The following GNG7 variants were observed in gnomAD, a reference collection of about 807,000 sequenced individuals.
The protein encoded by GNG7 is guanine nucleotide-binding protein G(I)/G(S)/G(O) subunit gamma-7.
GNG7 carries 1 observed loss-of-function variant against 4.0 expected under a neutral mutation model. The ratio of observed to expected loss-of-function variants is 0.25; its 90% CI spans 0.09 to 1.18. The LOEUF is 1.18. GNG7 is among the 50% of genes most tolerant of loss of function. The pLI, the probability that GNG7 is intolerant of heterozygous loss-of-function variation, is 0.50. For missense variants in GNG7, 86 were observed against 91.9 expected (o/e 0.94, Z 0.26); for synonymous variants, 34 against 36.9 (o/e 0.92, Z 0.29).
chr19:2,630,250 G>A lies in GNG7; in HGVS notation c.-78+15974C>T, dbSNP rs1037789602. ...CCCCCCCTTCCCTTTGCCACCAAGA[G>A]GAGTCTAAGATCTCCCTGGAGAACA... On this transcript the variant is annotated intron_variant, in intron 2 of 4. Coordinates refer to ENST00000382159, the MANE Select transcript of GNG7 (RefSeq NM_052847.3). Among the ~76,000 whole-genome samples the A allele has an allele frequency of 5.9e-5, 9 of 152,082 alleles. No individual in the cohort carries two copies. In the East Asian group the frequency reaches 1.7e-3, roughly 29 times the overall value.
chr19:2,548,578 C>G (rs1979207206), intron 3 of GNG7, among the ~76,000 whole-genome samples: 1 of 151,072 alleles, frequency 6.6e-6, no homozygotes, highest in Non-Finnish European at 1.5e-5. Flanking sequence ...CACTTGAGGT[C>G]AGGAGTTCGA....
intron 2 of GNG7, among the ~76,000 whole-genome samples, chr19:2,568,094 CACACTT>C (rs1382478760): frequency 6.6e-5 from 10 of 151,832 alleles, no homozygotes; most frequent in Admixed American, 2.6e-4. Context: ...TGCACACACA[CACACTT>C]ACACACATGC....
At position 2,617,726 on chromosome 19, in the gene GNG7, T is replaced by A. The variant is rs958116092; in HGVS notation, c.-78+28498A>T. Among the ~76,000 whole-genome samples, 13 of 151,108 alleles carry A rather than the reference T, an allele frequency of 8.6e-5. No individual in the cohort carries two copies. The highest frequency in any genetic ancestry group is 2.1e-4 in the South Asian group (1 of 4,806). On this transcript the variant is annotated intron_variant, in intron 2 of 4. Transcript: ENST00000382159. This position sits in a 1 kb window ranked among gnomAD's most constrained non-coding sequence, Gnocchi z 4.7. The stretch of plus-strand genomic sequence containing the variant: ...CTATTTTGTCTTTTCCTTTTTATTT[T>A]TTTTTTTTTTGAGATAGGGTCTTGC...
chr19:2,678,881 C>A (rs1226387843), intron 1 of GNG7, among the ~76,000 whole-genome samples: 1 of 152,114 alleles, frequency 6.6e-6, no homozygotes, highest in Non-Finnish European at 1.5e-5. Flanking sequence ...CGGAAACCAA[C>A]AGCTTCTCAT....
chr19:2,624,463 G>A (rs1387597011), intron 2 of GNG7, among the ~76,000 whole-genome samples: 1 of 150,788 alleles, frequency 6.6e-6, no homozygotes, highest in East Asian at 1.9e-4. Context: ...CCCGGGAGGC[G>A]GAGCTTGCAG....
chr19:2,688,719 G>A (rs1421037530), intron 1 of GNG7, among the ~76,000 whole-genome samples: 1 of 152,056 alleles, frequency 6.6e-6, no homozygotes, highest in Non-Finnish European at 1.5e-5. Flanking sequence ...GGCAGGAAAG[G>A]ACATTAGGGG....
chr19:2,608,758 G>A (rs1284638940), intron 2 of GNG7, among the ~76,000 whole-genome samples: 2 of 152,328 alleles, frequency 1.3e-5, no homozygotes, highest in East Asian at 3.9e-4. Flanking sequence ...GAGGCTGTCA[G>A]GGGGCCTGCT....
At chr19:2,681,222 T>C (rs528543373) in intron 1 of GNG7, among the ~76,000 whole-genome samples, 1 of 152,144 alleles carries the variant, frequency 6.6e-6, no homozygotes, top group African/African-American at 2.4e-5. Context: ...CTTGCTCTGT[T>C]GCCCAGGCTG....
Position 2,546,528 on chromosome 19 carries a change from C to T in GNG7, c.-38+8621G>A, listed in dbSNP as rs753441747. 6.6e-6 allele frequency among the ~76,000 whole-genome samples: 1 copy of T among 152,218 alleles called. No homozygotes were observed. The highest frequency in any genetic ancestry group is 1.5e-5 in the Non-Finnish European group (1 of 68,040). ...TCCCTGTCAGTGTGGGCCCTTTGCTCTCAGGCTAAATCGGTCCCCGGGGCA... is the reference window on the plus strand; with the variant it reads ...TCCCTGTCAGTGTGGGCCCTTTGCTTTCAGGCTAAATCGGTCCCCGGGGCA... On this transcript the variant is annotated intron_variant, in intron 3 of 4. Transcript: ENST00000382159. The surrounding 1 kb of genome is among the most constrained non-coding windows in gnomAD (Gnocchi z 6.3).
At chr19:2,651,245 T>TTCCTTCC (rs1441597764) in intron 1 of GNG7, among the ~76,000 whole-genome samples, 2,205 of 87,190 alleles carry the variant, frequency 0.025, 94 homozygotes, top group South Asian at 0.058. Flanking sequence ...CCTTCCTTCC[T>TTCCTTCC]TTCCTTCCTT....
chr19:2,621,627 G>A (rs1353502209), intron 2 of GNG7, among the ~76,000 whole-genome samples: 1 of 151,778 alleles, frequency 6.6e-6, no homozygotes, highest in Non-Finnish European at 1.5e-5. Flanking sequence ...AACCTGGGAG[G>A]CAGAGGTTGC....
intron 2 of GNG7, among the ~76,000 whole-genome samples, chr19:2,637,957 G>C (rs1982360587): frequency 6.6e-6 from 1 of 152,220 alleles, no homozygotes; most frequent in East Asian, 1.9e-4. Context: ...CCCTGAGTTG[G>C]GAGGGAGAGA....
chr19:2,700,142 T>G (rs1332054323), intron 1 of GNG7, among the ~76,000 whole-genome samples: 1 of 151,684 alleles, frequency 6.6e-6, no homozygotes, highest in Non-Finnish European at 1.5e-5. Context: ...CCTTTTTTTT[T>G]TTTTCCTTTA....
At position 2,618,359 on chromosome 19, in the gene GNG7, G is replaced by C. The variant is rs910684213; in HGVS notation, c.-78+27865C>G. ...ATGTGTGTGGTGTGTGTGTGTGTGT[G>C]TGTGTGTGTGTGTGTATCTCACTCT... On this transcript the variant is annotated intron_variant, in intron 2 of 4. Coordinates refer to ENST00000382159, the MANE Select transcript of GNG7 (RefSeq NM_052847.3). The surrounding 1 kb of genome is among the most constrained non-coding windows in gnomAD (Gnocchi z 5.1). Among the ~76,000 whole-genome samples the C allele has an allele frequency of 2.6e-5, 4 of 151,632 alleles. No individual in the cohort carries two copies. The highest frequency in any genetic ancestry group is 1.5e-5 in the Non-Finnish European group (1 of 67,914).
chr19:2,552,489 ATTC>A (rs552876650), intron 3 of GNG7, among the ~76,000 whole-genome samples: 4 of 152,088 alleles, frequency 2.6e-5, no homozygotes, highest in African/African-American at 9.6e-5. Context: ...GGTTCAAGCG[ATTC>A]TCCTACCTCA....
intron 4 of GNG7, among the ~76,000 whole-genome samples, chr19:2,517,372 T>C (rs890132806): frequency 1.3e-5 from 2 of 151,934 alleles, no homozygotes; most frequent in East Asian, 3.9e-4. Context: ...TTATTATTTA[T>C]TTATTTTTTT....
intron 1 of GNG7, among the ~76,000 whole-genome samples, 193 bp downstream of exon 1, chr19:2,702,453 C>A (rs546753041): frequency 1.8e-4 from 27 of 150,588 alleles, no homozygotes; most frequent in Non-Finnish European, 3.1e-4. Context: ...AACTTCGACC[C>A]CCTAAGCGCA....
chr19:2,514,932 T>G lies in GNG7; in HGVS notation c.*90A>C. ...CTTGAGATGTTTTGTTTGAGCTAAT[T>G]ACTGAATGATGCCCTGCCTGAGACA... On this transcript the variant is annotated 3_prime_UTR_variant, in exon 5 of 5. Transcript: ENST00000382159. 3.8e-6 allele frequency: 4 copies of G among 1,054,682 alleles called. No homozygotes were observed. The highest frequency in any genetic ancestry group is 5.7e-6 in the Non-Finnish European group (4 of 699,278). The allele number at this position is 1,054,682 out of a possible 1,614,324, so 65.3% of individuals were successfully genotyped here.
chr19:2,526,547 C>A (rs181821404), intron 3 of GNG7, among the ~76,000 whole-genome samples: 3 of 148,320 alleles, frequency 2.0e-5, no homozygotes, highest in Admixed American at 2.0e-4. Context: ...ATTTATCATG[C>A]ATTTATTACA....
Sources: allele counts gnomAD v4.1 joint callset (sites outside exome capture counted in the v4.1 genomes callset), GRCh38; gene constraint gnomAD v4.1.1; non-coding constraint Gnocchi (gnomAD v3.1); transcripts MANE v1.5; gene names NCBI Gene and HGNC (gene_info 2026-07-23, HGNC 2026-07-21).